The following MAPKAPK2 variants were observed in gnomAD, a reference collection of about 807,000 sequenced individuals.
MAPKAPK2 encodes the protein MAP kinase-activated protein kinase 2.
A neutral mutation model predicts 48.8 loss-of-function variants in MAPKAPK2; 9 were observed. That is an observed-to-expected ratio of 0.18 (90% CI 0.11 to 0.32). The LOEUF is 0.32. MAPKAPK2 is among the 10% of genes least tolerant of loss of function. The pLI, the probability that MAPKAPK2 is intolerant of heterozygous loss-of-function variation, is 1.00. For missense variants in MAPKAPK2, 331 were observed against 498.3 expected, an observed-to-expected ratio of 0.66 and a Z score of 3.20; for synonymous variants, 202 against 190.6, an observed-to-expected ratio of 1.06 and a Z score of -0.49.
intron 1 of MAPKAPK2, among the ~76,000 whole-genome samples, chr1:206,711,082 G>A (rs1466764418): frequency 3.9e-5 from 6 of 152,116 alleles, no homozygotes; most frequent in South Asian, 4.1e-4. Context: ...TTATGGTTCC[G>A]CATTACTGTG....
At chr1:206,687,868 C>G (rs1672333351) in intron 1 of MAPKAPK2, among the ~76,000 whole-genome samples, 1 of 152,172 alleles carries the variant, frequency 6.6e-6, no homozygotes, top group Non-Finnish European at 1.5e-5. Flanking sequence ...GAGGCCAATG[C>G]TGGGGGCTAG....
At chr1:206,719,575 T>C (rs1466785838) in intron 1 of MAPKAPK2, among the ~76,000 whole-genome samples, 2 of 152,252 alleles carry the variant, frequency 1.3e-5, no homozygotes, top group African/African-American at 4.8e-5. Flanking sequence ...GTTAGATTTA[T>C]GTTTAGATCA....
Position 206,734,197 on chromosome 1 carries a change from C to T in MAPKAPK2, c.*1479C>T, listed in dbSNP as rs540046233. On this transcript the variant is annotated 3_prime_UTR_variant, in exon 10 of 10. Transcript: ENST00000367103. ...TGGGTGCCTGCAGCGCCTCCCTTGT[C>T]TCAGATGGTGTGTCCAGCACTCGAT... 96 of 152,966 alleles carry T rather than the reference C, an allele frequency of 6.3e-4. No individual in the cohort carries two copies. Among genetic ancestry groups the T allele is most frequent in the African/African-American group, 2.1e-3 (89 of 41,586 alleles). 9.5% of individuals were successfully genotyped at this position (152,966 alleles called of 1,614,324 possible).
chr1:206,712,388 G>A (rs1572498594), intron 1 of MAPKAPK2, among the ~76,000 whole-genome samples: 2 of 152,208 alleles, frequency 1.3e-5, no homozygotes, highest in South Asian at 4.1e-4. Flanking sequence ...GAGGAGCTGG[G>A]ACTGCCCCCA....
intron 1 of MAPKAPK2, among the ~76,000 whole-genome samples, chr1:206,693,262 C>T (rs2102376556): frequency 6.6e-6 from 1 of 152,284 alleles, no homozygotes; most frequent in South Asian, 2.1e-4. Context: ...CTGCTGCAGT[C>T]TCCCCTCACA....
intron 1 of MAPKAPK2, among the ~76,000 whole-genome samples, chr1:206,707,609 C>T (rs77006310): frequency 9.7e-4 from 148 of 152,214 alleles, no homozygotes; most frequent in African/African-American, 3.4e-3. Context: ...TGGTAAAATG[C>T]CTGCAACTCT....
rs781899043 is a variant in MAPKAPK2 at position 206,728,724 on chromosome 1, C to T, written c.294C>T (p.Cys98=). ...EKFALKMLQD[C]PKARREVELH... ...TTGGCCTGCAGATGCTTCAGGACTG[C>T]CCCAAGGCCCGCAGGGAGGTGGAGC... The change falls in exon 2 of 10, where the codon TGC becomes TGT. Residue 98 remains cysteine, a synonymous_variant. Coordinates refer to ENST00000367103, the MANE Select transcript of MAPKAPK2 (RefSeq NM_032960.4). 3 of 1,613,992 alleles carry T rather than the reference C, an allele frequency of 1.9e-6. No homozygotes were observed. Among genetic ancestry groups the T allele is most frequent in the Non-Finnish European group, 1.7e-6 (2 of 1,179,980 alleles).
intron 1 of MAPKAPK2, among the ~76,000 whole-genome samples, chr1:206,702,246 G>C (rs1442660499): frequency 6.6e-6 from 1 of 152,206 alleles, no homozygotes; most frequent in Non-Finnish European, 1.5e-5. Flanking sequence ...GGTGCTCATT[G>C]CATCTTTAGA....
chr1:206,724,813 G>C (rs1364130176), intron 1 of MAPKAPK2, among the ~76,000 whole-genome samples: 1 of 152,072 alleles, frequency 6.6e-6, no homozygotes, highest in Non-Finnish European at 1.5e-5. Context: ...AGAGGGGAGG[G>C]AGTAAACAGA....
intron 1 of MAPKAPK2, among the ~76,000 whole-genome samples, chr1:206,725,472 A>C (rs782083934): frequency 1.8e-4 from 28 of 152,220 alleles, no homozygotes; most frequent in Admixed American, 7.2e-4. Context: ...ACTGGTTGAC[A>C]GTGATGAATG....
chr1:206,690,038 T>TGACATTGGCCTGGCTAGAACTGAGGG (rs1553426076), intron 1 of MAPKAPK2, among the ~76,000 whole-genome samples: 2 of 152,040 alleles, frequency 1.3e-5, no homozygotes, highest in Non-Finnish European at 2.9e-5. Context: ...AGAGGTGTGG[T>TGACATTGGCCTGGCTAGAACTGAGGG]GACATTGGCC....
chr1:206,687,091 C>T (rs1345336371), intron 1 of MAPKAPK2, among the ~76,000 whole-genome samples: 2 of 152,178 alleles, frequency 1.3e-5, no homozygotes, highest in Non-Finnish European at 2.9e-5. Flanking sequence ...AAGTGACAGA[C>T]GGTCTTTACA....
chr1:206,729,226 G>T, intron 3 of MAPKAPK2, 127 bp downstream of exon 3: 1 of 1,179,758 alleles, frequency 8.5e-7, no homozygotes, highest in Non-Finnish European at 1.3e-6. Flanking sequence ...ATGCTGCAAG[G>T]GGTGCCTCAG....
chr1:206,732,694 G>A lies in MAPKAPK2; in HGVS notation c.1179G>A (p.Leu393=), dbSNP rs1553432931. 5.6e-6 allele frequency: 9 copies of A among 1,614,236 alleles called. No homozygotes were observed. Among genetic ancestry groups the A allele is most frequent in the South Asian group, 1.1e-5 (1 of 91,080 alleles). ...LLKRRKKARA[L]EAAALAH ...AGAGGCGGAAGAAAGCTCGGGCCCT[G>A]GAGGCTGCGGCTCTGGCCCACTGAG... The change falls in exon 10 of 10, where the codon CTG becomes CTA. Residue 393 remains leucine, a synonymous_variant. Coordinates refer to ENST00000367103, the MANE Select transcript of MAPKAPK2 (RefSeq NM_032960.4). This position sits in a 1 kb window ranked among gnomAD's most constrained non-coding sequence, Gnocchi z 4.4.
In MAPKAPK2 at chr1:206,704,600, C is replaced by T. The variant is rs1010893339; in HGVS notation, c.279+19092C>T. 2.0e-5 allele frequency among the ~76,000 whole-genome samples: 3 copies of T among 152,114 alleles called. No homozygotes were observed. The highest frequency in any genetic ancestry group is 1.9e-4 in the East Asian group (1 of 5,200). ...GCTCATCTAGGGGCTGATATCTGTC[C>T]GTGGTGACATAAGCACACATGATCT... On this transcript the variant is annotated intron_variant, in intron 1 of 9. Transcript: ENST00000367103. This position sits in a 1 kb window ranked among gnomAD's most constrained non-coding sequence, Gnocchi z 4.3.
chr1:206,685,548 C>T (rs1457235367), intron 1 of MAPKAPK2, 40 bp downstream of exon 1: 3 of 1,436,592 alleles, frequency 2.1e-6, no homozygotes, highest in Non-Finnish European at 2.8e-6. Flanking sequence ...GGGCCGGTCC[C>T]GGGCCCTGGA....
At chr1:206,691,411 T>C (rs1455990918) in intron 1 of MAPKAPK2, among the ~76,000 whole-genome samples, 2 of 150,336 alleles carry the variant, frequency 1.3e-5, no homozygotes, top group East Asian at 3.9e-4. Flanking sequence ...GTATGGCAGT[T>C]ATAGAACCCA....
Position 206,734,086 on chromosome 1 carries a change from T to A in MAPKAPK2, c.*1368T>A, listed in dbSNP as rs1674033794. 1 of 152,356 alleles carries A rather than the reference T, an allele frequency of 6.6e-6. No individual in the cohort carries two copies. 9.4% of individuals were successfully genotyped at this position (152,356 alleles called of 1,614,324 possible). A position where few individuals can be genotyped will look rare whatever the true frequency, so the allele number is the denominator to read the frequency against. On this transcript the variant is annotated 3_prime_UTR_variant, in exon 10 of 10. Transcript: ENST00000367103. The stretch of plus-strand genomic sequence containing the variant: ...CTCCCCCTTCCCTTGGAGGGAGAGG[T>A]GGCAGGAATACTTCACCTTTCCTCT...
At chr1:206,709,359 A>G (rs1225028992) in intron 1 of MAPKAPK2, among the ~76,000 whole-genome samples, 1 of 152,174 alleles carries the variant, frequency 6.6e-6, no homozygotes, top group Non-Finnish European at 1.5e-5. Flanking sequence ...ACTCTTTTAC[A>G]GATGTGTTGC....
Sources: allele counts gnomAD v4.1 joint callset (sites outside exome capture counted in the v4.1 genomes callset), GRCh38; gene constraint gnomAD v4.1.1; non-coding constraint Gnocchi (gnomAD v3.1); transcripts MANE v1.5; gene names NCBI Gene and HGNC (gene_info 2026-07-23, HGNC 2026-07-21).